The following THSD4 variants were observed in gnomAD, a reference collection of about 807,000 sequenced individuals.
The protein encoded by THSD4 is thrombospondin type-1 domain-containing protein 4.
A neutral mutation model predicts 119.0 loss-of-function variants in THSD4; 69 were observed. That is an observed-to-expected ratio of 0.58 (90% confidence interval 0.48 to 0.71). The LOEUF is 0.71. Among genes scored for constraint, THSD4 ranks in the 30% least tolerant of loss-of-function variants. The pLI, the probability that THSD4 is intolerant of heterozygous loss-of-function variation, is 0.00. For synonymous variants in THSD4, 524 were observed against 540.4 expected (o/e 0.97, Z 0.42); for missense variants, 1,393 against 1,391.1 (o/e 1.00, Z -0.02).
intron 7 of THSD4, among the ~76,000 whole-genome samples, chr15:71,475,515 T>C (rs2047643659): frequency 6.6e-6 from 1 of 152,102 alleles, no homozygotes; most frequent in Non-Finnish European, 1.5e-5. Flanking sequence ...AGATCCTGAT[T>C]TAGGAGGTCT....
chr15:71,483,323 G>A (rs1567001685), intron 7 of THSD4, among the ~76,000 whole-genome samples: 2 of 152,138 alleles, frequency 1.3e-5, no homozygotes, highest in South Asian at 4.1e-4. Context: ...ATATGTAAAT[G>A]TGTGGCTTGC....
At chr15:71,198,878 A>C (rs2043743330) in intron 3 of THSD4, among the ~76,000 whole-genome samples, 1 of 152,218 alleles carries the variant, frequency 6.6e-6, no homozygotes, top group African/African-American at 2.4e-5. Context: ...AATGAATCAG[A>C]GCGACATTCC....
chr15:71,519,968 G>A (rs2048415982), intron 7 of THSD4, among the ~76,000 whole-genome samples: 2 of 152,212 alleles, frequency 1.3e-5, no homozygotes, highest in South Asian at 4.1e-4. Flanking sequence ...TGCTGCAGCG[G>A]CAGTGGTGGC....
chr15:71,468,605 C>A (rs1238770848), intron 7 of THSD4, among the ~76,000 whole-genome samples: 4 of 152,264 alleles, frequency 2.6e-5, no homozygotes, highest in Admixed American at 2.0e-4. Context: ...TATAATAAAA[C>A]ATTACTTTTA....
chr15:71,602,148 G>A (rs1191931689), intron 7 of THSD4, among the ~76,000 whole-genome samples: 1 of 152,054 alleles, frequency 6.6e-6, no homozygotes, highest in Admixed American at 6.6e-5. Context: ...GGGGTGGTCT[G>A]GAGCTAAAGG....
chr15:71,321,290 C>A (rs965489854), intron 6 of THSD4, among the ~76,000 whole-genome samples: 3 of 151,624 alleles, frequency 2.0e-5, no homozygotes, highest in Non-Finnish European at 4.4e-5. Flanking sequence ...AATCCCAGCA[C>A]TTTGGGAGGC....
intron 7 of THSD4, among the ~76,000 whole-genome samples, chr15:71,532,704 A>G (rs1370790731): frequency 1.3e-5 from 2 of 152,244 alleles, no homozygotes; most frequent in Non-Finnish European, 2.9e-5. Flanking sequence ...TTTATAATAT[A>G]GATGTTTGAC....
rs2043282344 is a variant in THSD4, at chr15:71,165,044, A to G, written c.99+10112A>G. ...CCACATCTCTCCCAGTTTCTTCGCA[A>G]CATCACCAATGGACAGGCCAGGATG... On this transcript the variant is annotated intron_variant, in intron 3 of 17. Coordinates refer to ENST00000261862, the MANE Select transcript of THSD4 (RefSeq NM_024817.3). The G allele has an allele frequency of 1.9e-6, 3 of 1,592,168 alleles. No individual in the cohort carries two copies. In the Middle Eastern group the frequency reaches 5.2e-4, roughly 276 times the overall value.
intron 7 of THSD4, among the ~76,000 whole-genome samples, chr15:71,450,244 C>T (rs1163463902): frequency 6.6e-6 from 1 of 152,194 alleles, no homozygotes; most frequent in Non-Finnish European, 1.5e-5. Context: ...ACTGGCATAG[C>T]TGCCTGGAGG....
At chr15:71,283,811 T>G (rs2044683761) in intron 6 of THSD4, among the ~76,000 whole-genome samples, 2 of 152,166 alleles carry the variant, frequency 1.3e-5, no homozygotes, top group Non-Finnish European at 2.9e-5. Context: ...GAAGGTATCG[T>G]TGACAGTGGG....
chr15:71,442,660 G>GTA (rs71154772), intron 7 of THSD4, among the ~76,000 whole-genome samples: 48 of 25,814 alleles, frequency 1.9e-3, no homozygotes, highest in African/African-American at 4.2e-3. Context: ...GTGTGTGTGT[G>GTA]TATATATATA....
chr15:71,159,602 C>G (rs1339643912), intron 3 of THSD4, among the ~76,000 whole-genome samples: 1 of 152,006 alleles, frequency 6.6e-6, no homozygotes, highest in Admixed American at 6.6e-5. Flanking sequence ...TTGCAATTAA[C>G]ATATAGAAAT....
intron 7 of THSD4, among the ~76,000 whole-genome samples, chr15:71,532,289 T>A (rs201720792): frequency 0.36 from 22,107 of 61,440 alleles, 2,265 homozygotes; most frequent in East Asian, 0.65. Context: ...AGAGAGTGTG[T>A]GTGTGTGTGT....
intron 15 of THSD4, 79 bp downstream of exon 15, chr15:71,758,154 G>T: frequency 6.9e-7 from 1 of 1,447,770 alleles, no homozygotes; most frequent in Non-Finnish European, 9.2e-7. Flanking sequence ...CCAGGACTTT[G>T]TGTCAGGTGT....
chr15:71,261,297 C>G (rs2415109), intron 6 of THSD4, among the ~76,000 whole-genome samples: 4 of 151,832 alleles, frequency 2.6e-5, no homozygotes, highest in African/African-American at 4.8e-5. Context: ...AGCCTAGGAA[C>G]GCCAAGGATT....
intron 7 of THSD4, among the ~76,000 whole-genome samples, chr15:71,511,322 A>G (rs964785999): frequency 6.6e-6 from 1 of 152,128 alleles, no homozygotes; most frequent in African/African-American, 2.4e-5. Flanking sequence ...GATTTGGTTT[A>G]GGGGCCTGAA....
intron 6 of THSD4, among the ~76,000 whole-genome samples, chr15:71,362,288 TATA>T (rs1400129189): frequency 2.6e-5 from 4 of 152,232 alleles, no homozygotes; most frequent in South Asian, 2.1e-4. Flanking sequence ...CAAAAAAAAT[TATA>T]ATGAGTGGCT....
Position 71,330,734 on chromosome 15 carries a change from T to C in THSD4, c.1015+74019T>C, listed in dbSNP as rs114072033. Among the ~76,000 whole-genome samples, 1,283 of 152,292 alleles carry C rather than the reference T, an allele frequency of 8.4e-3. 15 individuals are homozygous for C. The highest frequency in any genetic ancestry group is 0.029 in the African/African-American group (1,223 of 41,554). ...GAGAACAGTCCTATGCTTTGTTCCT[T>C]CTGATGTACAATACTGTCATATAAA... On this transcript the variant is annotated intron_variant, in intron 6 of 17. Coordinates refer to ENST00000261862, the MANE Select transcript of THSD4 (RefSeq NM_024817.3).
At chr15:71,567,464 G>C (rs1216290059) in intron 7 of THSD4, among the ~76,000 whole-genome samples, 2 of 152,154 alleles carry the variant, frequency 1.3e-5, no homozygotes. Context: ...ACACACCTCA[G>C]AATTACCCAG....
Sources: gnomAD v4.1 joint callset for allele counts (sites outside exome capture counted in the v4.1 genomes callset) on GRCh38, gnomAD v4.1.1 for gene constraint, MANE v1.5 for transcripts, NCBI Gene and HGNC (gene_info 2026-07-23, HGNC 2026-07-21) for gene names.